The following CLSPN variants were observed in gnomAD, a reference collection of about 807,000 sequenced individuals.
CLSPN encodes claspin homolog.
CLSPN carries 85 observed loss-of-function variants against 156.3 expected under a neutral mutation model. That is an observed-to-expected ratio of 0.54 (90% CI 0.46 to 0.65). The LOEUF (loss-of-function observed/expected upper bound fraction) is 0.65, where lower values mean the gene tolerates loss of function less well. Among genes scored for constraint, CLSPN ranks in the 30% least tolerant of loss-of-function variants. CLSPN has a pLI of 0.00. For missense variants in CLSPN, 1,407 were observed against 1,554.9 expected (o/e 0.90, Z 1.60); for synonymous variants, 534 against 542.4 (o/e 0.98, Z 0.22).
Position 35,751,326 on chromosome 1 carries a change from TCTA to T in CLSPN, c.1949_1951del (p.Val650del). 1 of 1,590,866 alleles carries T rather than the reference TCTA, an allele frequency of 6.3e-7. No homozygotes were observed. Among genetic ancestry groups the T allele is most frequent in the Non-Finnish European group, 8.6e-7 (1 of 1,165,190 alleles). On this transcript the variant is annotated inframe_deletion, in exon 10 of 25. Transcript: ENST00000318121. ...TAGTTCTTCCTCTTTCTCTTCTTTC[TCTA>T]CCTTCTCTTCTCCATCTTCCTCAGA...
intron 24 of CLSPN, among the ~76,000 whole-genome samples, chr1:35,724,838 T>A (rs1641143545): frequency 6.6e-6 from 1 of 152,200 alleles, no homozygotes; most frequent in Non-Finnish European, 1.5e-5. Flanking sequence ...AGGAAGCTGA[T>A]GACCTACTTG....
intron 15 of CLSPN, 151 bp from the exon 16 acceptor site, chr1:35,745,713 A>C (rs1641857048): frequency 3.2e-6 from 2 of 618,534 alleles, no homozygotes; most frequent in East Asian, 5.6e-5. Context: ...ATCCTTATTT[A>C]GTGCTTACTA....
chr1:35,736,029 C>G lies in CLSPN; in HGVS notation c.*467G>C, dbSNP rs1641455903. The G allele has an allele frequency of 8.1e-6, 6 of 744,200 alleles. No homozygotes were observed. The highest frequency in any genetic ancestry group is 9.8e-6 in the Non-Finnish European group (6 of 610,092). The allele number at this position is 744,200 out of a possible 1,614,324, so 46.1% of individuals were successfully genotyped here. A position where few individuals can be genotyped will look rare whatever the true frequency, so the allele number is the denominator to read the frequency against. Reference sequence around the variant, plus strand: ...GGTCAGGAGTTCAAGACCAGCCTGGCCAACATGGTGAAACCCCGTCTCTAC... The same window carrying G: ...GGTCAGGAGTTCAAGACCAGCCTGGGCAACATGGTGAAACCCCGTCTCTAC... On this transcript the variant is annotated 3_prime_UTR_variant, in exon 25 of 25. Coordinates refer to ENST00000318121, the MANE Select transcript of CLSPN (RefSeq NM_022111.4).
intron 10 of CLSPN, among the ~76,000 whole-genome samples, chr1:35,750,303 C>T (rs1222780475): frequency 4.0e-5 from 6 of 151,556 alleles, no homozygotes; most frequent in Non-Finnish European, 8.8e-5. Context: ...CGAGACCAGT[C>T]TGGTCAACAT....
chr1:35,765,994 C>CTCT (rs60908491), intron 1 of CLSPN, among the ~76,000 whole-genome samples: 10,883 of 106,054 alleles, frequency 0.1, 1,265 homozygotes, highest in African/African-American at 0.25. Flanking sequence ...CTCTCTCTCT[C>CTCT]TTTTTTTTTT....
At chr1:35,721,688 G>A (rs1293851392) in intron 24 of CLSPN, among the ~76,000 whole-genome samples, 3 of 151,742 alleles carry the variant, frequency 2.0e-5, no homozygotes, top group African/African-American at 4.8e-5. Flanking sequence ...GTGCCTGGCC[G>A]ATGCTATCAC....
intron 10 of CLSPN, among the ~76,000 whole-genome samples, chr1:35,751,017 T>C (rs561951494): frequency 6.6e-6 from 1 of 151,680 alleles, no homozygotes; most frequent in Admixed American, 6.6e-5. Flanking sequence ...AATGGTATTC[T>C]GTCAGTACCA....
At position 35,733,322 on chromosome 1, in the gene CLSPN, T is replaced by TC. The variant is rs1315176979; in HGVS notation, c.*3173_*3174insG. The TC allele has an allele frequency of 4.5e-6, 1 of 220,072 alleles. No individual in the cohort carries two copies. Among genetic ancestry groups the TC allele is most frequent in the Non-Finnish European group, 7.5e-6 (1 of 133,560 alleles). The allele number at this position is 220,072 out of a possible 1,614,324, so 13.6% of individuals were successfully genotyped here. A position where few individuals can be genotyped will look rare whatever the true frequency, so the allele number is the denominator to read the frequency against. ...GGCACTAATTTTCTTTTTTTTTTCT[T>TC]TTTTTTTTTTTTTTTAGAGTTGGGA... On this transcript the variant is annotated 3_prime_UTR_variant, in exon 25 of 25. Coordinates refer to ENST00000318121, the MANE Select transcript of CLSPN (RefSeq NM_022111.4).
intron 8 of CLSPN, among the ~76,000 whole-genome samples, chr1:35,758,165 T>A (rs1177020132): frequency 1.3e-5 from 2 of 150,616 alleles, no homozygotes; most frequent in South Asian, 2.1e-4. Context: ...GAAAGATAAT[T>A]TTTTTGTGTT....
intron 10 of CLSPN, 66 bp downstream of exon 10, chr1:35,751,184 T>C (rs1361516167): frequency 5.8e-6 from 9 of 1,550,566 alleles, no homozygotes; most frequent in East Asian, 4.5e-5. Context: ...ATACTCTTTT[T>C]CAAGTCTGAC....
rs1641593360 is a variant in CLSPN, at chr1:35,739,070, A to C, written c.3430+66T>G. The C allele has an allele frequency of 2.5e-6, 4 of 1,590,024 alleles. No individual in the cohort carries two copies. In the South Asian group the frequency reaches 4.5e-5, roughly 18 times the overall value. On this transcript the variant is annotated intron_variant, in intron 20 of 24. Coordinates refer to ENST00000318121, the MANE Select transcript of CLSPN (RefSeq NM_022111.4). Reference sequence around the variant, plus strand: ...TGCCTCTGCCTCCCAAAGTGTTGGGATTACAGGCGTGAGCCACCATGCTCA... The same window carrying C: ...TGCCTCTGCCTCCCAAAGTGTTGGGCTTACAGGCGTGAGCCACCATGCTCA...
Position 35,736,200 on chromosome 1 carries a change from AGAGT to A in CLSPN, c.*292_*295del, listed in dbSNP as rs1641465282. 2 of 978,202 alleles carry A rather than the reference AGAGT, an allele frequency of 2.0e-6. No individual in the cohort carries two copies. Among genetic ancestry groups the A allele is most frequent in the African/African-American group, 3.5e-5 (2 of 57,422 alleles). 60.6% of individuals were successfully genotyped at this position (978,202 alleles called of 1,614,324 possible). A position where few individuals can be genotyped will look rare whatever the true frequency, so the allele number is the denominator to read the frequency against. On this transcript the variant is annotated 3_prime_UTR_variant, in exon 25 of 25. Transcript: ENST00000318121. ...GCCACTGCACTCCAAGCTGGGCAAC[AGAGT>A]GAGACTCCCATCTTAAAAAAAAAAA...
intron 7 of CLSPN, 84 bp downstream of exon 7, chr1:35,761,012 T>A: frequency 7.2e-7 from 1 of 1,397,166 alleles, no homozygotes; most frequent in Non-Finnish European, 1.0e-6. Context: ...TTTAAGGGAG[T>A]GAGAAATCTG....
At chr1:35,754,528 G>C (rs962761617) in intron 8 of CLSPN, among the ~76,000 whole-genome samples, 2 of 152,046 alleles carry the variant, frequency 1.3e-5, no homozygotes. Context: ...TGTATTTTTA[G>C]TAGAGACAGG....
chr1:35,750,527 G>A (rs1359367799), intron 10 of CLSPN, among the ~76,000 whole-genome samples: 3 of 151,590 alleles, frequency 2.0e-5, no homozygotes, highest in Non-Finnish European at 1.5e-5. Flanking sequence ...TGAGTAGCTG[G>A]GATTACAGGT....
chr1:35,748,485 T>C lies in CLSPN; in HGVS notation c.2392A>G (p.Ser798Gly), dbSNP rs958677000. 19 of 1,614,010 alleles carry C rather than the reference T, an allele frequency of 1.2e-5. No individual in the cohort carries two copies. The highest frequency in any genetic ancestry group is 1.6e-5 in the Non-Finnish European group (19 of 1,180,006). ...AATCCTCCTGCTGTAGGGAAAAAAC[T>C]GGTCCCACGGCCTGTTTGTCTGTTG... ...PCNRQTGRGTSFFPTAGGFRS... is the reference protein window; with the variant it reads ...PCNRQTGRGTGFFPTAGGFRS... The change falls in exon 13 of 25, where the codon AGT (serine) becomes GGT (glycine). Residue 798 changes from serine to glycine, a missense_variant. Physicochemically the swap from Ser to Gly is moderately conservative, Grantham distance 56. This residue lies in a region of CLSPN where 1,096 missense variants were observed against 1,193.0 expected (regional missense o/e 0.92). Coordinates refer to ENST00000318121, the MANE Select transcript of CLSPN (RefSeq NM_022111.4).
chr1:35,737,299 T>C (rs765971629), intron 23 of CLSPN, 40 bp downstream of exon 23: 9 of 1,550,818 alleles, frequency 5.8e-6, no homozygotes, highest in Non-Finnish European at 8.0e-6. Flanking sequence ...CTTTATAACC[T>C]GTAGACTATG....
At position 35,763,218 on chromosome 1, in the gene CLSPN, T is replaced by A. The variant is rs752641073; in HGVS notation, c.686A>T (p.Asp229Val). Residue 229 changes from aspartate (D) to valine (V), a missense_variant, in exon 4 of 25, where the codon GAT becomes GTT. Asp to Val is a radical substitution (Grantham distance 152). Coordinates refer to ENST00000318121, the MANE Select transcript of CLSPN (RefSeq NM_022111.4). ...TCTTATTGATTCTAATGACTCTTCATCTTCCAATGGAGAGTTATTTTCATC... is the reference window on the plus strand; with the variant it reads ...TCTTATTGATTCTAATGACTCTTCAACTTCCAATGGAGAGTTATTTTCATC... ...LEDENNSPLE[D>V]EESLESIRAA... 14 of 1,608,912 alleles carry A rather than the reference T, an allele frequency of 8.7e-6. No individual in the cohort carries two copies. The highest frequency in any genetic ancestry group is 1.2e-5 in the Non-Finnish European group (14 of 1,178,642).
At position 35,746,910 on chromosome 1, in the gene CLSPN, T is replaced by C; in HGVS notation, c.2710A>G (p.Met904Val). The C allele has an allele frequency of 4.3e-6, 7 of 1,614,146 alleles. No homozygotes were observed. Among genetic ancestry groups the C allele is most frequent in the Non-Finnish European group, 5.9e-6 (7 of 1,179,980 alleles). The change falls in exon 15 of 25, where the codon ATG (methionine) becomes GTG (valine). Residue 904 changes from methionine to valine, a missense_variant. Met to Val is a conservative substitution (Grantham distance 21, BLOSUM62 1). Coordinates refer to ENST00000318121, the MANE Select transcript of CLSPN (RefSeq NM_022111.4). This position sits in a 1 kb window ranked among gnomAD's most constrained non-coding sequence, Gnocchi z 4.2. ...LPLASMDENA[M>V]DANMDELLDL... is the part of the protein sequence containing the mutation. Reference sequence around the variant, plus strand: ...AACAGCTCATCCATGTTGGCATCCATGGCATTCTCATCCATACTGGCCAAT... The same window carrying C: ...AACAGCTCATCCATGTTGGCATCCACGGCATTCTCATCCATACTGGCCAAT...
Sources: gnomAD v4.1 joint callset for allele counts (sites outside exome capture counted in the v4.1 genomes callset) on GRCh38, gnomAD v4.1.1 for gene constraint, gnomAD v4.1.1 regional missense constraint, Gnocchi (gnomAD v3.1) non-coding constraint, MANE v1.5 for transcripts, NCBI Gene and HGNC (gene_info 2026-07-23, HGNC 2026-07-21) for gene names.